Variants in GABRG2 observed in about 807,000 individuals in gnomAD.
GABRG2 encodes the protein gamma-aminobutyric acid type A receptor subunit gamma2, also known as gamma-aminobutyric acid receptor subunit gamma-2.
A neutral mutation model predicts 56.4 loss-of-function variants in GABRG2; 16 were observed. The ratio of observed to expected loss-of-function variants is 0.28; its 90% CI spans 0.19 to 0.43. GABRG2 has a LOEUF of 0.43. GABRG2 is among the 20% of genes least tolerant of loss of function. GABRG2 has a pLI of 1.00. For synonymous variants in GABRG2, 208 were observed against 205.5 expected, an observed-to-expected ratio of 1.01 and a Z score of -0.10; for missense variants, 327 against 582.7, an observed-to-expected ratio of 0.56 and a Z score of 4.52.
intron 1 of GABRG2, among the ~76,000 whole-genome samples, chr5:162,076,597 A>C (rs1759128581): frequency 6.6e-6 from 1 of 152,166 alleles, no homozygotes; most frequent in African/African-American, 2.4e-5. Context: ...GTATGTAAAG[A>C]AGGATATTTT....
At chr5:162,134,306 A>T (rs1763963877) in intron 6 of GABRG2, among the ~76,000 whole-genome samples, 2 of 151,546 alleles carry the variant, frequency 1.3e-5, no homozygotes, top group South Asian at 4.2e-4. Flanking sequence ...TTATTCTAAG[A>T]CACTTTCTAA....
chr5:162,147,716 C>T (rs1000349744), intron 7 of GABRG2, among the ~76,000 whole-genome samples: 1 of 152,142 alleles, frequency 6.6e-6, no homozygotes. Flanking sequence ...GAGAATCTGG[C>T]TGTCCCCTAG....
intron 6 of GABRG2, among the ~76,000 whole-genome samples, chr5:162,137,393 T>A (rs1764214175): frequency 6.6e-6 from 1 of 152,216 alleles, no homozygotes; most frequent in South Asian, 2.1e-4. Context: ...TGTCCACATC[T>A]TTTCAGGACC....
At chr5:162,085,037 T>C (rs1414886522) in intron 1 of GABRG2, among the ~76,000 whole-genome samples, 1 of 151,922 alleles carries the variant, frequency 6.6e-6, no homozygotes, top group Non-Finnish European at 1.5e-5. Flanking sequence ...TCCATGTTAG[T>C]GTGTAGTGTG....
chr5:162,148,348 G>A (rs945814686), intron 7 of GABRG2, among the ~76,000 whole-genome samples: 4 of 152,180 alleles, frequency 2.6e-5, no homozygotes, highest in East Asian at 1.9e-4. Flanking sequence ...TATATGAAGC[G>A]CTTATCACTG....
chr5:162,080,595 A>C (rs188779071), intron 1 of GABRG2, among the ~76,000 whole-genome samples: 49 of 152,290 alleles, frequency 3.2e-4, no homozygotes, highest in East Asian at 2.5e-3. Flanking sequence ...TTTGAATTGC[A>C]TTCTAGGTAA....
intron 1 of GABRG2, among the ~76,000 whole-genome samples, chr5:162,072,240 T>G (rs1758728463): frequency 6.6e-6 from 1 of 151,990 alleles, no homozygotes; most frequent in Non-Finnish European, 1.5e-5. Flanking sequence ...ATACTGTATC[T>G]CTTTGCTATA....
rs1764620798 is a variant in GABRG2, at chr5:162,142,225, C to G, written c.831C>G (p.Ile277Met). ...GCAGAAGAATGGGATACTTTACCATCCAGACCTATATCCCCTGCACACTCA... is the reference window on the plus strand; with the variant it reads ...GCAGAAGAATGGGATACTTTACCATGCAGACCTATATCCCCTGCACACTCA... ...DLSRRMGYFT[I>M]QTYIPCTLIV... The change falls in exon 7 of 10, where the codon ATC (isoleucine) becomes ATG (methionine). Residue 277 changes from isoleucine (I) to methionine (M), a missense_variant. Transcript: ENST00000639213. The G allele has an allele frequency of 6.2e-7, 1 of 1,613,784 alleles. No individual in the cohort carries two copies. The highest frequency in any genetic ancestry group is 1.1e-5 in the South Asian group (1 of 91,072).
At chr5:162,106,366 G>A (rs1195567800) in intron 6 of GABRG2, among the ~76,000 whole-genome samples, 5 of 152,068 alleles carry the variant, frequency 3.3e-5, no homozygotes, top group Non-Finnish European at 7.3e-5. Context: ...TTTGTATTTT[G>A]TGTGTAGTAC....
At chr5:162,106,575 C>T (rs1011764607) in intron 6 of GABRG2, among the ~76,000 whole-genome samples, 1 of 152,128 alleles carries the variant, frequency 6.6e-6, no homozygotes, top group Non-Finnish European at 1.5e-5. Flanking sequence ...GTTATGTTTA[C>T]AAGTTTCTTG....
At chr5:162,115,075 T>G (rs1267189780) in intron 6 of GABRG2, among the ~76,000 whole-genome samples, 1 of 152,196 alleles carries the variant, frequency 6.6e-6, no homozygotes, top group African/African-American at 2.4e-5. Flanking sequence ...TGCAATAAAA[T>G]CCTATTCTTT....
intron 6 of GABRG2, among the ~76,000 whole-genome samples, chr5:162,137,517 G>A (rs1362120946): frequency 6.6e-6 from 1 of 151,880 alleles, no homozygotes; most frequent in African/African-American, 2.4e-5. Flanking sequence ...CAAATATTTT[G>A]TATTTATAAG....
At chr5:162,097,555 G>T (rs1362024196) in intron 3 of GABRG2, 83 bp from the exon 4 acceptor site, 2 of 1,111,016 alleles carry the variant, frequency 1.8e-6, no homozygotes, top group Non-Finnish European at 2.7e-6. Context: ...TATTGGCAAA[G>T]AAAACAGGAA....
chr5:162,084,672 G>T (rs753410829), intron 1 of GABRG2, among the ~76,000 whole-genome samples: 2 of 151,752 alleles, frequency 1.3e-5, no homozygotes, highest in African/African-American at 4.8e-5. Context: ...AGTATATGCC[G>T]CACCTTGCAT....
At chr5:162,102,628 T>C in intron 5 of GABRG2, 2 of 453,754 alleles carry the variant, frequency 4.4e-6, no homozygotes, top group African/African-American at 2.0e-5. Flanking sequence ...CTTCTGGGGC[T>C]CAACTGATCC....
chr5:162,072,077 G>A (rs919857950), intron 1 of GABRG2, among the ~76,000 whole-genome samples: 14 of 151,776 alleles, frequency 9.2e-5, no homozygotes, highest in South Asian at 2.1e-4. Flanking sequence ...TCTCTTTCAC[G>A]TCCTAGATTC....
chr5:162,074,266 A>G (rs1561634570), intron 1 of GABRG2, among the ~76,000 whole-genome samples: 2 of 152,060 alleles, frequency 1.3e-5, no homozygotes, highest in Non-Finnish European at 2.9e-5. Flanking sequence ...TATAAAAATC[A>G]TTGTATAACT....
chr5:162,079,700 T>C (rs1759493097), intron 1 of GABRG2, among the ~76,000 whole-genome samples: 1 of 152,118 alleles, frequency 6.6e-6, no homozygotes, highest in Admixed American at 6.6e-5. Context: ...TATGTATTTA[T>C]TTACTTCCCT....
intron 6 of GABRG2, among the ~76,000 whole-genome samples, chr5:162,132,526 C>G (rs550247851): frequency 3.2e-4 from 48 of 152,078 alleles, no homozygotes; most frequent in Non-Finnish European, 6.2e-4. Context: ...TCTGACAAAT[C>G]AATTATAATC....
Sources: allele counts gnomAD v4.1 joint callset (sites outside exome capture counted in the v4.1 genomes callset), GRCh38; gene constraint gnomAD v4.1.1; transcripts MANE v1.5; gene names NCBI Gene and HGNC (gene_info 2026-07-23, HGNC 2026-07-21).